Variants in CNTN4 observed in about 807,000 individuals in gnomAD.
CNTN4 encodes contactin-4.
In CNTN4, 77 loss-of-function variants were observed where a neutral mutation model predicts 122.5. The ratio of observed to expected loss-of-function variants is 0.63; its 90% CI spans 0.52 to 0.76. CNTN4 has a LOEUF of 0.76. Ranked by LOEUF, CNTN4 falls within the 30% of genes least tolerant of loss-of-function variation. The probability of loss-of-function intolerance (pLI) is 0.00; values close to 1 mark genes in which losing one functional copy is unlikely to be tolerated. For synonymous variants in CNTN4, 512 were observed against 447.0 expected (o/e 1.15, Z -1.83); for missense variants, 1,256 against 1,259.1 (o/e 1.00, Z 0.04).
chr3:2,794,704 G>T (rs889987149), intron 6 of CNTN4, among the ~76,000 whole-genome samples: 5 of 152,186 alleles, frequency 3.3e-5, no homozygotes, highest in African/African-American at 1.2e-4. Context: ...TTAGGCTGCT[G>T]TAAGCTGCCA....
At chr3:2,732,960 A>T (rs1422585701) in intron 4 of CNTN4, among the ~76,000 whole-genome samples, 2 of 152,200 alleles carry the variant, frequency 1.3e-5, no homozygotes, top group Non-Finnish European at 2.9e-5. Flanking sequence ...GAAAATAAAA[A>T]CTTTAGATGG....
rs186366174 is a variant in CNTN4, at chr3:2,412,457, C to T, written c.-89+73224C>T. Among the ~76,000 whole-genome samples the T allele has an allele frequency of 3.0e-4, 46 of 152,028 alleles. 1 individual carries two copies. Among genetic ancestry groups the T allele is most frequent in the African/African-American group, 8.9e-4 (37 of 41,486 alleles). On this transcript the variant is annotated intron_variant, in intron 3 of 24. Coordinates refer to ENST00000418658, the MANE Select transcript of CNTN4 (RefSeq NM_175607.3). The stretch of plus-strand genomic sequence containing the variant: ...TATTGGAGACGGGGTTTCACTATGT[C>T]GGTCAGGCTGGTCTCAAACTCCTGA...
chr3:2,810,791 G>C (rs1366502654), intron 6 of CNTN4, among the ~76,000 whole-genome samples: 1 of 152,108 alleles, frequency 6.6e-6, no homozygotes, highest in African/African-American at 2.4e-5. Flanking sequence ...AGGTATTTAT[G>C]GTTTAAAATG....
intron 13 of CNTN4, among the ~76,000 whole-genome samples, chr3:2,967,932 C>T (rs1692497112): frequency 6.7e-6 from 1 of 149,422 alleles, no homozygotes; most frequent in Non-Finnish European, 1.5e-5. Flanking sequence ...GCCTTTGGTA[C>T]TTCATGCTGT....
chr3:2,550,496 TTGG>T (rs2078452060), intron 3 of CNTN4, among the ~76,000 whole-genome samples: 2 of 152,274 alleles, frequency 1.3e-5, no homozygotes, highest in South Asian at 4.1e-4. Flanking sequence ...TTTTACACTG[TTGG>T]TGGGAGTGCA....
At chr3:2,609,770 C>T (rs2081404743) in intron 4 of CNTN4, among the ~76,000 whole-genome samples, 1 of 152,082 alleles carries the variant, frequency 6.6e-6, no homozygotes, top group Non-Finnish European at 1.5e-5. Flanking sequence ...ATTAAAATTA[C>T]ATATTTTCCA....
chr3:2,723,727 G>T (rs2088015167), intron 4 of CNTN4, among the ~76,000 whole-genome samples: 1 of 152,172 alleles, frequency 6.6e-6, no homozygotes, highest in Non-Finnish European at 1.5e-5. Context: ...AATTTTGAAG[G>T]GGGCACACAC....
intron 3 of CNTN4, among the ~76,000 whole-genome samples, chr3:2,372,973 G>A (rs1293310198): frequency 6.6e-6 from 1 of 152,116 alleles, no homozygotes; most frequent in Non-Finnish European, 1.5e-5. Flanking sequence ...CTTGAACCTG[G>A]GAGGCTGAGG....
intron 3 of CNTN4, among the ~76,000 whole-genome samples, chr3:2,443,133 A>C (rs1340197122): frequency 6.8e-6 from 1 of 147,998 alleles, no homozygotes; most frequent in Non-Finnish European, 1.5e-5. Context: ...GTACCTCGAA[A>C]CCTCAAATAA....
intron 13 of CNTN4, among the ~76,000 whole-genome samples, chr3:2,966,058 TTCA>T (rs1468612329): frequency 6.6e-6 from 1 of 152,112 alleles, no homozygotes; most frequent in Non-Finnish European, 1.5e-5. Flanking sequence ...TTATTTCCAA[TTCA>T]TCTTTATTGA....
chr3:2,825,937 C>G (rs1454663553), intron 7 of CNTN4, among the ~76,000 whole-genome samples: 1 of 152,130 alleles, frequency 6.6e-6, no homozygotes, highest in Non-Finnish European at 1.5e-5. Context: ...GCATCAGACC[C>G]AGGGACCTTC....
At chr3:2,178,344 A>G (rs1459171501) in intron 2 of CNTN4, among the ~76,000 whole-genome samples, 1 of 152,082 alleles carries the variant, frequency 6.6e-6, no homozygotes. Flanking sequence ...GTTCTGGCAT[A>G]CAGTCAGAAT....
intron 2 of CNTN4, among the ~76,000 whole-genome samples, chr3:2,191,719 C>CACAG (rs1232008488): frequency 6.6e-6 from 1 of 151,730 alleles, no homozygotes; most frequent in Non-Finnish European, 1.5e-5. Context: ...TACACACACA[C>CACAG]ACACATACAC....
intron 3 of CNTN4, among the ~76,000 whole-genome samples, chr3:2,518,420 T>G (rs1334455874): frequency 6.6e-6 from 1 of 152,172 alleles, no homozygotes; most frequent in Non-Finnish European, 1.5e-5. Flanking sequence ...TTGAGAAACA[T>G]TCTTGATGTT....
rs143893721 is a variant in CNTN4, at chr3:3,053,541, A to G, written c.2812-266A>G. Among the ~76,000 whole-genome samples, 36 of 152,324 alleles carry G rather than the reference A, an allele frequency of 2.4e-4. No homozygotes were observed. In the East Asian group the frequency reaches 6.6e-3, roughly 28 times the overall value. On this transcript the variant is annotated intron_variant, in intron 23 of 24. Coordinates refer to ENST00000418658, the MANE Select transcript of CNTN4 (RefSeq NM_175607.3). ...ATTTTCCACTTTCCCAAGAGTGTCA[A>G]CTGAGCCTCCGAGAGGCTAGGCAGT...
At position 2,350,337 on chromosome 3, in the gene CNTN4, G is replaced by A. The variant is rs938169866; in HGVS notation, c.-89+11104G>A. ...GGATTAGGAGAGCAGGTGATTGGACGCAGCTGCTGAATAATCTTCTTAACC... is the reference window on the plus strand; with the variant it reads ...GGATTAGGAGAGCAGGTGATTGGACACAGCTGCTGAATAATCTTCTTAACC... On this transcript the variant is annotated intron_variant, in intron 3 of 24. Coordinates refer to ENST00000418658, the MANE Select transcript of CNTN4 (RefSeq NM_175607.3). Among the ~76,000 whole-genome samples, 4 of 152,148 alleles carry A rather than the reference G, an allele frequency of 2.6e-5. No individual in the cohort carries two copies. The South Asian group carries it at 6.2e-4, about 24-fold the overall frequency.
chr3:2,428,052 G>T (rs1310716757), intron 3 of CNTN4, among the ~76,000 whole-genome samples: 1 of 152,048 alleles, frequency 6.6e-6, no homozygotes, highest in Non-Finnish European at 1.5e-5. Flanking sequence ...CTTTTAATTG[G>T]AGCATTTAGC....
At chr3:2,474,256 C>G (rs1016971864) in intron 3 of CNTN4, among the ~76,000 whole-genome samples, 5 of 152,276 alleles carry the variant, frequency 3.3e-5, no homozygotes, top group Middle Eastern at 3.4e-3. Flanking sequence ...CCACCAAACT[C>G]TAAAGCAGTA....
chr3:2,358,892 C>A (rs9310717), intron 3 of CNTN4, among the ~76,000 whole-genome samples: 1 of 151,824 alleles, frequency 6.6e-6, no homozygotes, highest in Admixed American at 6.6e-5. Flanking sequence ...ATGGCTAGTC[C>A]GGTGCAGGCT....
Sources: gnomAD v4.1 joint callset for allele counts (sites outside exome capture counted in the v4.1 genomes callset) on GRCh38, gnomAD v4.1.1 for gene constraint, MANE v1.5 for transcripts, NCBI Gene and HGNC (gene_info 2026-07-23, HGNC 2026-07-21) for gene names.